The following NTNG1 variants were observed in gnomAD, a reference collection of about 807,000 sequenced individuals.
NTNG1 encodes netrin G1.
NTNG1 carries 16 observed loss-of-function variants against 54.0 expected under a neutral mutation model. That is an observed-to-expected ratio of 0.30 (90% CI 0.20 to 0.45). The LOEUF is 0.45. Among genes scored for constraint, NTNG1 ranks in the 20% least tolerant of loss-of-function variants. NTNG1 has a pLI of 1.00. For missense variants in NTNG1, 530 were observed against 678.7 expected, an observed-to-expected ratio of 0.78 and a Z score of 2.43; for synonymous variants, 255 against 263.1, an observed-to-expected ratio of 0.97 and a Z score of 0.30.
At chr1:107,319,865 TTATA>T (rs1553225209) in intron 2 of NTNG1, among the ~76,000 whole-genome samples, 1 of 147,868 alleles carries the variant, frequency 6.8e-6, no homozygotes, top group African/African-American at 2.5e-5. Flanking sequence ...TACCTGAGGT[TTATA>T]TATATATATA....
chr1:107,400,387 C>T (rs1238019989), intron 4 of NTNG1, among the ~76,000 whole-genome samples: 3 of 152,090 alleles, frequency 2.0e-5, no homozygotes, highest in Non-Finnish European at 4.4e-5. Context: ...TTACTACAGG[C>T]TTTTACACTT....
intron 1 of NTNG1, among the ~76,000 whole-genome samples, chr1:107,144,540 A>G (rs1332256449): frequency 6.6e-6 from 1 of 152,138 alleles, no homozygotes; most frequent in African/African-American, 2.4e-5. Flanking sequence ...AATTGCCTGT[A>G]ATATTAACCA....
intron 2 of NTNG1, among the ~76,000 whole-genome samples, chr1:107,221,500 A>G (rs1447458945): frequency 6.6e-6 from 1 of 152,174 alleles, no homozygotes; most frequent in Non-Finnish European, 1.5e-5. Flanking sequence ...CCTGACTCAG[A>G]GCCTGAAGTC....
rs779802758 is a variant in NTNG1 at position 107,436,800 on chromosome 1, G to A, written c.1390+1G>A. 2 of 1,613,150 alleles carry A rather than the reference G, an allele frequency of 1.2e-6. No individual in the cohort carries two copies. Among genetic ancestry groups the A allele is most frequent in the Non-Finnish European group, 1.7e-6 (2 of 1,179,414 alleles). On this transcript the variant is annotated splice_donor_variant, in intron 7 of 7. Transcript: ENST00000370068. LOFTEE classifies it high-confidence loss of function. ...AATTCCTGGCACTACGGCTGTCAAC[G>A]TAAGTAACTCTGGGAGCTGCCCTCT...
intron 2 of NTNG1, among the ~76,000 whole-genome samples, chr1:107,259,872 G>A (rs1418373296): frequency 6.6e-6 from 1 of 151,868 alleles, no homozygotes; most frequent in African/African-American, 2.4e-5. Context: ...TGTATATCTT[G>A]GGTCATAAAT....
intron 2 of NTNG1, among the ~76,000 whole-genome samples, chr1:107,168,154 C>A (rs1363788817): frequency 6.6e-6 from 1 of 151,636 alleles, no homozygotes; most frequent in East Asian, 1.9e-4. Flanking sequence ...CTCTACTGCC[C>A]TCCCTCCCCG....
At chr1:107,210,539 G>T (rs1659530729) in intron 2 of NTNG1, among the ~76,000 whole-genome samples, 1 of 152,104 alleles carries the variant, frequency 6.6e-6, no homozygotes, top group Non-Finnish European at 1.5e-5. Flanking sequence ...CATTGTGCCT[G>T]GCAGCTCAGG....
intron 3 of NTNG1, among the ~76,000 whole-genome samples, chr1:107,335,926 A>G (rs552071992): frequency 6.6e-6 from 1 of 152,052 alleles, no homozygotes; most frequent in African/African-American, 2.4e-5. Context: ...GCTGAAACTA[A>G]TTAAAGAAGA....
intron 5 of NTNG1, among the ~76,000 whole-genome samples, chr1:107,415,663 TG>T (rs1338039810): frequency 2.0e-5 from 3 of 151,262 alleles, no homozygotes; most frequent in Admixed American, 6.6e-5. Flanking sequence ...AGTTGATTTG[TG>T]AAAAAAAAAT....
At chr1:107,229,725 C>CT (rs1010256181) in intron 2 of NTNG1, among the ~76,000 whole-genome samples, 58 of 147,574 alleles carry the variant, frequency 3.9e-4, no homozygotes, top group African/African-American at 1.2e-3. Context: ...CTTTTGGGCA[C>CT]TTTTTTTTTT....
chr1:107,279,463 T>G (rs574605750), intron 2 of NTNG1, among the ~76,000 whole-genome samples: 27 of 152,286 alleles, frequency 1.8e-4, no homozygotes, highest in African/African-American at 6.0e-4. Context: ...CAGAAGTCAT[T>G]TTTAAACAGC....
At chr1:107,311,622 C>G (rs1449786195) in intron 2 of NTNG1, among the ~76,000 whole-genome samples, 2 of 152,152 alleles carry the variant, frequency 1.3e-5, no homozygotes, top group East Asian at 1.9e-4. Context: ...TTCCCAGTGA[C>G]CAACCTATGA....
intron 2 of NTNG1, among the ~76,000 whole-genome samples, chr1:107,268,483 C>G (rs918030136): frequency 1.1e-4 from 9 of 78,492 alleles, no homozygotes; most frequent in African/African-American, 2.9e-4. Context: ...TGTCTCTCAT[C>G]ATATTTTTTT....
At chr1:107,376,812 C>T (rs549116963) in intron 3 of NTNG1, among the ~76,000 whole-genome samples, 2 of 152,156 alleles carry the variant, frequency 1.3e-5, no homozygotes, top group Non-Finnish European at 2.9e-5. Context: ...TTGCTGCCCC[C>T]CCAGCCACCA....
chr1:107,250,819 C>A (rs919348318), intron 2 of NTNG1, among the ~76,000 whole-genome samples: 9 of 152,202 alleles, frequency 5.9e-5, no homozygotes, highest in Non-Finnish European at 8.8e-5. Context: ...AAGCAGCCAA[C>A]CCGCCAGGCA....
intron 1 of NTNG1, 83 bp downstream of exon 1, chr1:107,141,223 G>C (rs1653653294): frequency 6.6e-6 from 1 of 151,798 alleles, no homozygotes; most frequent in Admixed American, 6.6e-5. Flanking sequence ...GGGCGCGATC[G>C]GAATCCCCGG....
intron 2 of NTNG1, among the ~76,000 whole-genome samples, chr1:107,165,534 A>G (rs1478717267): frequency 6.6e-6 from 1 of 152,178 alleles, no homozygotes; most frequent in Non-Finnish European, 1.5e-5. Flanking sequence ...TTTTGTAATT[A>G]TTAGTTACTA....
At chr1:107,230,949 A>G (rs565847411) in intron 2 of NTNG1, among the ~76,000 whole-genome samples, 2 of 152,308 alleles carry the variant, frequency 1.3e-5, no homozygotes, top group South Asian at 4.1e-4. Flanking sequence ...TGTGTTATCC[A>G]TATATTGAAT....
chr1:107,205,328 A>G (rs902505085), intron 2 of NTNG1, among the ~76,000 whole-genome samples: 1 of 152,098 alleles, frequency 6.6e-6, no homozygotes. Context: ...ATGGTTTGCT[A>G]TACAGCCTCA....
Sources: gnomAD v4.1 joint callset for allele counts (sites outside exome capture counted in the v4.1 genomes callset) on GRCh38, gnomAD v4.1.1 for gene constraint, MANE v1.5 for transcripts, NCBI Gene and HGNC (gene_info 2026-07-23, HGNC 2026-07-21) for gene names.